The following SLC4A10 variants were observed in gnomAD, a reference collection of about 807,000 sequenced individuals.
SLC4A10 encodes the protein sodium-driven chloride bicarbonate exchanger.
SLC4A10 carries 42 observed loss-of-function variants against 137.7 expected under a neutral mutation model. That is an observed-to-expected ratio of 0.30 (90% CI 0.24 to 0.39). The LOEUF is 0.39. SLC4A10 is among the 10% of genes least tolerant of loss of function. SLC4A10 has a pLI of 1.00. For synonymous variants in SLC4A10, 474 were observed against 464.1 expected (o/e 1.02, Z -0.27); for missense variants, 925 against 1,355.0 (o/e 0.68, Z 4.98).
intron 4 of SLC4A10, among the ~76,000 whole-genome samples, chr2:161,853,972 A>T (rs960830651): frequency 2.6e-5 from 4 of 152,106 alleles, no homozygotes; most frequent in Non-Finnish European, 5.9e-5. Flanking sequence ...ACTCCCACAT[A>T]TTTGTTGTGT....
At chr2:161,689,104 T>C (rs2041728959) in intron 1 of SLC4A10, among the ~76,000 whole-genome samples, 1 of 152,216 alleles carries the variant, frequency 6.6e-6, no homozygotes, top group Non-Finnish European at 1.5e-5. Context: ...AGCTAAATGT[T>C]ATTACAAATG....
intron 3 of SLC4A10, among the ~76,000 whole-genome samples, chr2:161,825,628 T>C (rs1358505241): frequency 6.6e-6 from 1 of 152,196 alleles, no homozygotes; most frequent in Non-Finnish European, 1.5e-5. Flanking sequence ...GGCTTATGTA[T>C]GATTCACAGA....
chr2:161,926,085 G>C (rs1689020250), intron 15 of SLC4A10, among the ~76,000 whole-genome samples: 1 of 151,858 alleles, frequency 6.6e-6, no homozygotes, highest in Non-Finnish European at 1.5e-5. Flanking sequence ...GTGCAGAGCT[G>C]AGTTCAATTC....
chr2:161,675,604 T>A (rs2040197027), intron 1 of SLC4A10, among the ~76,000 whole-genome samples: 1 of 152,170 alleles, frequency 6.6e-6, no homozygotes, highest in South Asian at 2.1e-4. Context: ...GGTTTACTTT[T>A]TACTCATGCT....
In SLC4A10 at chr2:161,693,623, C is replaced by CA. The variant is rs1207372797; in HGVS notation, c.48+69058dup. Among the ~76,000 whole-genome samples the CA allele has an allele frequency of 4.0e-5, 6 of 150,546 alleles. No homozygotes were observed. The East Asian group carries it at 1.2e-3, about 29-fold the overall frequency. Reference sequence around the variant, plus strand: ...ACATCTCCTCATTTTCCCCACCCTTCAGCCTCTGGCAACCAGCATTCTACT... The same window carrying CA: ...ACATCTCCTCATTTTCCCCACCCTTCAAGCCTCTGGCAACCAGCATTCTACT... On this transcript the variant is annotated intron_variant, in intron 1 of 26. Transcript: ENST00000446997.
At chr2:161,638,676 A>T (rs878863683) in intron 1 of SLC4A10, among the ~76,000 whole-genome samples, 1 of 151,978 alleles carries the variant, frequency 6.6e-6, no homozygotes. Context: ...TGGTATTTTG[A>T]TAGGGATTAC....
chr2:161,763,953 C>T (rs1441465342), intron 1 of SLC4A10, among the ~76,000 whole-genome samples: 1 of 152,152 alleles, frequency 6.6e-6, no homozygotes, highest in East Asian at 1.9e-4. Context: ...TTTGGACCAT[C>T]TGGCAGAATG....
In SLC4A10 at chr2:161,902,160, T is replaced by TGTAATGAA. The variant is rs1683259198; in HGVS notation, c.1442+1149_1442+1150insGTAATGAA. On this transcript the variant is annotated intron_variant, in intron 12 of 26. Transcript: ENST00000446997. ...TACATCTGGGCTGCTCTTGCACTGTTCTCTGTAATGAACTCCCACTTCCGG... is the reference window on the plus strand; with the variant it reads ...TACATCTGGGCTGCTCTTGCACTGTTGTAATGAACTCTGTAATGAACTCCCACTTCCGG... The TGTAATGAA allele has an allele frequency of 8.9e-6, 4 of 447,274 alleles. No homozygotes were observed. In the East Asian group the frequency reaches 2.8e-4, roughly 31 times the overall value. The allele number at this position is 447,274 out of a possible 1,614,324, so 27.7% of individuals were successfully genotyped here. A position where few individuals can be genotyped will look rare whatever the true frequency, so the allele number is the denominator to read the frequency against.
intron 1 of SLC4A10, among the ~76,000 whole-genome samples, chr2:161,647,797 G>A (rs1018913171): frequency 1.3e-5 from 2 of 152,008 alleles, no homozygotes; most frequent in Non-Finnish European, 2.9e-5. Context: ...TATTTTATAC[G>A]TTATAAATCT....
intron 19 of SLC4A10, among the ~76,000 whole-genome samples, chr2:161,954,189 GC>G (rs1695277704): frequency 6.6e-6 from 1 of 151,872 alleles, no homozygotes; most frequent in Non-Finnish European, 1.5e-5. Context: ...GTTCTTTTTT[GC>G]CCTCTTTGTC....
intron 2 of SLC4A10, among the ~76,000 whole-genome samples, chr2:161,772,332 A>G (rs1005007460): frequency 6.6e-6 from 1 of 151,898 alleles, no homozygotes; most frequent in African/African-American, 2.4e-5. Context: ...CTATCCTTAT[A>G]TTTACTAAAC....
intron 1 of SLC4A10, among the ~76,000 whole-genome samples, chr2:161,653,693 T>C (rs569901497): frequency 6.6e-5 from 10 of 152,332 alleles, no homozygotes; most frequent in African/African-American, 2.2e-4. Flanking sequence ...GTCCTCAAGG[T>C]TCATCTATGT....
chr2:161,870,113 A>G (rs2061021982), intron 6 of SLC4A10, among the ~76,000 whole-genome samples: 1 of 151,150 alleles, frequency 6.6e-6, no homozygotes, highest in African/African-American at 2.4e-5. Flanking sequence ...CAAGAATAGC[A>G]TACAACAATC....
At chr2:161,645,761 T>C (rs2035946483) in intron 1 of SLC4A10, among the ~76,000 whole-genome samples, 1 of 152,036 alleles carries the variant, frequency 6.6e-6, no homozygotes, top group Non-Finnish European at 1.5e-5. Context: ...CATAGTAAAG[T>C]AATTTTACAT....
In SLC4A10 at chr2:161,812,172, G is replaced by A. The variant is rs549252810; in HGVS notation, c.277+7577G>A. Among the ~76,000 whole-genome samples the A allele has an allele frequency of 1.8e-4, 27 of 152,028 alleles. No homozygotes were observed. The East Asian group carries it at 4.4e-3, about 25-fold the overall frequency. ...TAGACATTTTTCTGTGTCCCTTAATGAAGAAAATTGCTAAGATTGACCTAA... is the reference window on the plus strand; with the variant it reads ...TAGACATTTTTCTGTGTCCCTTAATAAAGAAAATTGCTAAGATTGACCTAA... On this transcript the variant is annotated intron_variant, in intron 3 of 26. Transcript: ENST00000446997.
intron 3 of SLC4A10, among the ~76,000 whole-genome samples, chr2:161,806,250 T>G (rs1431938908): frequency 1.3e-5 from 2 of 152,150 alleles, no homozygotes; most frequent in Non-Finnish European, 2.9e-5. Context: ...TTTTTCTTCC[T>G]GGGCCTCTGG....
intron 1 of SLC4A10, among the ~76,000 whole-genome samples, chr2:161,751,475 G>C (rs1318806474): frequency 6.7e-6 from 1 of 150,354 alleles, no homozygotes; most frequent in Non-Finnish European, 1.5e-5. Flanking sequence ...AGTTATAATA[G>C]TCTATTTTAA....
intron 1 of SLC4A10, among the ~76,000 whole-genome samples, chr2:161,697,640 G>A (rs189544574): frequency 1.2e-4 from 18 of 152,160 alleles, no homozygotes; most frequent in African/African-American, 4.3e-4. Flanking sequence ...ATTTCTGAGG[G>A]CTCTATTCTG....
intron 1 of SLC4A10, among the ~76,000 whole-genome samples, chr2:161,702,889 T>G (rs13000436): frequency 0.021 from 3,255 of 151,914 alleles, 52 homozygotes; most frequent in South Asian, 0.033. Flanking sequence ...GTTGTTACTG[T>G]TAGAAAACCT....
Sources: allele counts gnomAD v4.1 joint callset (sites outside exome capture counted in the v4.1 genomes callset), GRCh38; gene constraint gnomAD v4.1.1; transcripts MANE v1.5; gene names NCBI Gene and HGNC (gene_info 2026-07-23, HGNC 2026-07-21).